Variants in TNFAIP8 observed in about 807,000 individuals in gnomAD.
TNFAIP8 encodes the protein TNF alpha induced protein 8.
TNFAIP8 carries 7 observed loss-of-function variants against 13.3 expected under a neutral mutation model. That is an observed-to-expected ratio of 0.52 (90% CI 0.30 to 0.99). The LOEUF (loss-of-function observed/expected upper bound fraction) is 0.99. Ranked by LOEUF, TNFAIP8 falls within the 50% of genes least tolerant of loss-of-function variation. TNFAIP8 has a pLI of 0.07. For missense variants in TNFAIP8, 258 were observed against 236.9 expected, an observed-to-expected ratio of 1.09 and a Z score of -0.58; for synonymous variants, 94 against 87.6, an observed-to-expected ratio of 1.07 and a Z score of -0.41.
intron 1 of TNFAIP8, among the ~76,000 whole-genome samples, chr5:119,365,686 CT>C (rs1751823818): frequency 1.3e-5 from 2 of 152,238 alleles, no homozygotes; most frequent in African/African-American, 4.8e-5. Context: ...ACTGAGTGTT[CT>C]TATTATTAAG....
chr5:119,351,173 C>G (rs1382354737), upstream of TNFAIP8, among the ~76,000 whole-genome samples: 1 of 151,968 alleles, frequency 6.6e-6, no homozygotes, highest in East Asian at 1.9e-4. Flanking sequence ...CAGGCATGCA[C>G]CACCATACTC....
chr5:119,363,475 G>C (rs750446268), intron 1 of TNFAIP8, among the ~76,000 whole-genome samples: 2 of 152,180 alleles, frequency 1.3e-5, no homozygotes, highest in Non-Finnish European at 2.9e-5. Flanking sequence ...TTCCTTTCCA[G>C]ATTGTCACAC....
chr5:119,319,370 C>T (rs953390605), intron 1 of TNFAIP8, among the ~76,000 whole-genome samples: 16 of 152,144 alleles, frequency 1.1e-4, no homozygotes, highest in Non-Finnish European at 1.9e-4. Context: ...CATGAGGTTT[C>T]GAGAAAATAA....
chr5:119,355,561 A>T, upstream of TNFAIP8: 1 of 575,128 alleles, frequency 1.7e-6, no homozygotes, highest in South Asian at 2.2e-5. Context: ...GGGTTGCAAG[A>T]CTCCAAGACA....
At chr5:119,322,150 C>T (rs188125519) in intron 1 of TNFAIP8, among the ~76,000 whole-genome samples, 1 of 152,182 alleles carries the variant, frequency 6.6e-6, no homozygotes, top group African/African-American at 2.4e-5. Context: ...CTCCTCTCTC[C>T]CACCCACTCT....
At position 119,382,462 on chromosome 5, in the gene TNFAIP8, A is replaced by T. The variant is rs184648300; in HGVS notation, c.32-10354A>T. 3.7e-4 allele frequency among the ~76,000 whole-genome samples: 57 copies of T among 152,274 alleles called. 2 individuals carry two copies. Among genetic ancestry groups the T allele is most frequent in the Admixed American group, 1.8e-3 (27 of 15,296 alleles). On this transcript the variant is annotated intron_variant, in intron 1 of 1. Transcript: ENST00000504771. The stretch of plus-strand genomic sequence containing the variant: ...TTGACTGACTCATGTCTTTGGGTTT[A>T]TGTTCTCTCTTTTCGCCACACTCCT...
intron 1 of TNFAIP8, among the ~76,000 whole-genome samples, chr5:119,340,897 C>T (rs1000732811): frequency 4.6e-5 from 7 of 152,082 alleles, no homozygotes; most frequent in African/African-American, 1.4e-4. Context: ...TTTCCTTTGC[C>T]GAACCAGAAT....
intron 1 of TNFAIP8, among the ~76,000 whole-genome samples, chr5:119,376,873 C>G (rs1378754969): frequency 2.6e-5 from 4 of 152,140 alleles, no homozygotes; most frequent in Non-Finnish European, 5.9e-5. Flanking sequence ...TCCTTCATGC[C>G]TCTGCTCAAA....
chr5:119,382,318 GTGTACTCA>G (rs1186328084), intron 1 of TNFAIP8, among the ~76,000 whole-genome samples: 1 of 152,280 alleles, frequency 6.6e-6, no homozygotes, highest in East Asian at 1.9e-4. Flanking sequence ...CTGCCTAGCT[GTGTACTCA>G]TCTATCCCCG....
intron 1 of TNFAIP8, among the ~76,000 whole-genome samples, chr5:119,294,658 C>T (rs1385672022): frequency 6.6e-6 from 1 of 152,144 alleles, no homozygotes; most frequent in Admixed American, 6.5e-5. Flanking sequence ...ACAGTCCCAC[C>T]AACAGTGGGA....
intron 1 of TNFAIP8, among the ~76,000 whole-genome samples, chr5:119,295,450 C>T (rs1186744715): frequency 2.6e-5 from 4 of 151,692 alleles, no homozygotes; most frequent in Non-Finnish European, 5.9e-5. Flanking sequence ...AGATATGCGG[C>T]GTTATTTCTG....
chr5:119,333,537 G>A, intron 1 of TNFAIP8: 1 of 1,534,716 alleles, frequency 6.5e-7, no homozygotes, highest in Non-Finnish European at 8.7e-7. Flanking sequence ...ACGTCAACAG[G>A]GTGGTTGCAT....
chr5:119,395,284 G>C lies in TNFAIP8; in HGVS notation c.*1903G>C, dbSNP rs913509971. ...TAAATGGAATTCAGCAGCCTTCCTT[G>C]ACCAGCTGTTTTCCTCACATGTGAA... On this transcript the variant is annotated 3_prime_UTR_variant, in exon 2 of 2. Transcript: ENST00000504771. 6.6e-6 allele frequency: 1 copy of C among 152,256 alleles called. No homozygotes were observed. The highest frequency in any genetic ancestry group is 1.5e-5 in the Non-Finnish European group (1 of 68,092). 9.4% of individuals were successfully genotyped at this position (152,256 alleles called of 1,614,324 possible). A position where few individuals can be genotyped will look rare whatever the true frequency, so the allele number is the denominator to read the frequency against.
chr5:119,293,561 A>C (rs1326586919), intron 1 of TNFAIP8, among the ~76,000 whole-genome samples: 2 of 152,202 alleles, frequency 1.3e-5, no homozygotes, highest in East Asian at 3.8e-4. Context: ...TCCATTGTGT[A>C]TGTGTACTAT....
intron 1 of TNFAIP8, among the ~76,000 whole-genome samples, chr5:119,282,046 T>A (rs1748646888): frequency 6.6e-6 from 1 of 152,252 alleles, no homozygotes; most frequent in South Asian, 2.1e-4. Flanking sequence ...CTGCTATACG[T>A]GCTACTCTTT....
chr5:119,355,311 C>T (rs1401369196), upstream of TNFAIP8: 2 of 701,788 alleles, frequency 2.8e-6, no homozygotes, highest in East Asian at 2.7e-5. Context: ...CAATGAGTGC[C>T]CGGGCTGTGC....
At chr5:119,320,514 C>T (rs1750022824) in intron 1 of TNFAIP8, among the ~76,000 whole-genome samples, 1 of 152,166 alleles carries the variant, frequency 6.6e-6, no homozygotes, top group Admixed American at 6.5e-5. Context: ...GTACAATCTC[C>T]CCTTCCTGCT....
rs183923238 is a variant in TNFAIP8 at position 119,399,572 on chromosome 5, C to T, written c.*6191C>T. 2 of 152,164 alleles carry T rather than the reference C, an allele frequency of 1.3e-5. No individual in the cohort carries two copies. Among genetic ancestry groups the T allele is most frequent in the Admixed American group, 1.3e-4 (2 of 15,288 alleles). The allele number at this position is 152,164 out of a possible 1,614,324, so 9.4% of individuals were successfully genotyped here. ...AATTCCAGTCTCCTTAAAAAAAAATCGGTTTTTGCTTTCAATTTAGGAAAA... is the reference window on the plus strand; with the variant it reads ...AATTCCAGTCTCCTTAAAAAAAAATTGGTTTTTGCTTTCAATTTAGGAAAA... On this transcript the variant is annotated 3_prime_UTR_variant, in exon 2 of 2. Transcript: ENST00000504771.
intron 1 of TNFAIP8, among the ~76,000 whole-genome samples, chr5:119,349,747 A>C (rs1751048671): frequency 6.6e-6 from 1 of 152,256 alleles, no homozygotes; most frequent in Admixed American, 6.5e-5. Context: ...TCAGGAATTG[A>C]ATGGCTTCAG....
Sources: allele counts gnomAD v4.1 joint callset (sites outside exome capture counted in the v4.1 genomes callset), GRCh38; gene constraint gnomAD v4.1.1; transcripts MANE v1.5; gene names NCBI Gene and HGNC (gene_info 2026-07-23, HGNC 2026-07-21).